Variants in DDX55 observed in about 807,000 individuals in gnomAD.
The protein encoded by DDX55 is ATP-dependent RNA helicase DDX55.
DDX55 carries 56 observed loss-of-function variants against 69.2 expected under a neutral mutation model. The ratio of observed to expected loss-of-function variants is 0.81; its 90% CI spans 0.65 to 1.01. The LOEUF is 1.01. Ranked by LOEUF, DDX55 falls within the 50% of genes least tolerant of loss-of-function variation. The pLI, the probability that DDX55 is intolerant of heterozygous loss-of-function variation, is 0.00. For missense variants in DDX55, 720 were observed against 745.1 expected (o/e 0.97, Z 0.39); for synonymous variants, 268 against 273.1 (o/e 0.98, Z 0.18).
intron 3 of DDX55, 102 bp downstream of exon 3, chr12:123,606,261 G>C: frequency 7.1e-7 from 1 of 1,410,762 alleles, no homozygotes; most frequent in African/African-American, 1.4e-5. Flanking sequence ...AGAAGCCGTG[G>C]CTCACGCCTG....
chr12:123,609,249 G>T (rs1954066966), intron 6 of DDX55, among the ~76,000 whole-genome samples: 1 of 152,074 alleles, frequency 6.6e-6, no homozygotes, highest in Admixed American at 6.5e-5. Flanking sequence ...ACCATGCCTG[G>T]CCTAAGTATT....
Position 123,617,865 on chromosome 12 carries a change from A to T in DDX55, c.1157A>T (p.Asn386Ile). The change falls in exon 11 of 14, where the codon AAC (asparagine) becomes ATC (isoleucine). Residue 386 changes from asparagine to isoleucine, a missense_variant. Physicochemically the swap from Asn to Ile is moderately radical, Grantham distance 149. Coordinates refer to ENST00000238146, the MANE Select transcript of DDX55 (RefSeq NM_020936.3). ...EESYINFLAI[N>I]QKCPLQEMKP... The stretch of plus-strand genomic sequence containing the variant: ...TCATACATCAATTTCCTTGCAATTA[A>T]CCAAAAAGTAAGCTGCCGTCCGTTT... 6.2e-7 allele frequency: 1 copy of T among 1,614,120 alleles called. No individual in the cohort carries two copies. The highest frequency in any genetic ancestry group is 2.2e-5 in the East Asian group (1 of 44,888).
intron 1 of DDX55, chr12:123,605,524 G>A: frequency 3.1e-6 from 1 of 326,168 alleles, no homozygotes; most frequent in South Asian, 2.6e-5. Context: ...ATCTAATTGA[G>A]GTTTTTTTTG....
intron 8 of DDX55, 76 bp from the exon 9 acceptor site, chr12:123,615,109 T>C: frequency 6.3e-7 from 1 of 1,591,752 alleles, no homozygotes; most frequent in Middle Eastern, 2.0e-4. Flanking sequence ...CTGCAGCTAT[T>C]GCTCACTGTT....
chr12:123,602,910 G>C (rs1007232454), intron 1 of DDX55, among the ~76,000 whole-genome samples: 3 of 152,228 alleles, frequency 2.0e-5, no homozygotes, highest in African/African-American at 7.2e-5. Flanking sequence ...CTCTGAGGAG[G>C]TGCATTGAGC....
At position 123,618,832 on chromosome 12, in the gene DDX55, TA is replaced by T; in HGVS notation, c.1331del (p.Lys444ArgfsTer15). On this transcript the variant is annotated frameshift_variant, in exon 12 of 14. Coordinates refer to ENST00000238146, the MANE Select transcript of DDX55 (RefSeq NM_020936.3). LOFTEE classifies it high-confidence loss of function. Reference sequence around the variant, plus strand: ...CATGAATGCAACCTGATTTTCAGATTAAAGGGTAAGTTGGACTTCTTCATGT... The same window carrying T: ...CATGAATGCAACCTGATTTTCAGATTAAGGGTAAGTTGGACTTCTTCATGT... ...AKHECNLIFR[L>X]KDLDFASLAR... 4 of 1,613,976 alleles carry T rather than the reference TA, an allele frequency of 2.5e-6. No individual in the cohort carries two copies. The highest frequency in any genetic ancestry group is 3.4e-6 in the Non-Finnish European group (4 of 1,179,874).
At chr12:123,608,886 G>A in intron 6 of DDX55, 57 bp downstream of exon 6, 2 of 1,442,580 alleles carry the variant, frequency 1.4e-6, no homozygotes, top group Non-Finnish European at 1.9e-6. Context: ...ATACAAAAGG[G>A]GAGCAAAATG....
Position 123,620,610 on chromosome 12 carries a change from ATATAT to A in DDX55, c.*471_*475del, listed in dbSNP as rs1955066318. On this transcript the variant is annotated 3_prime_UTR_variant, in exon 14 of 14. Transcript: ENST00000238146. ...TATATATATATATATATATATATAT[ATATAT>A]ATATATATATATAAGCTCTTTTTTC... The A allele has an allele frequency of 1.3e-5, 1 of 76,978 alleles. No individual in the cohort carries two copies. Among genetic ancestry groups the A allele is most frequent in the African/African-American group, 4.1e-5 (1 of 24,178 alleles). 4.8% of individuals were successfully genotyped at this position (76,978 alleles called of 1,614,324 possible).
rs1344198275 is a variant in DDX55 at position 123,605,806 on chromosome 12, C to G, written c.109-125C>G. 3 of 1,287,906 alleles carry G rather than the reference C, an allele frequency of 2.3e-6. No homozygotes were observed. In the Admixed American group the frequency reaches 5.1e-5, roughly 22 times the overall value. 79.8% of individuals were successfully genotyped at this position (1,287,906 alleles called of 1,614,324 possible). A position where few individuals can be genotyped will look rare whatever the true frequency, so the allele number is the denominator to read the frequency against. ...CAACTTCTCTATGGTGACTTGGTTA[C>G]TCAGAGCCCCTTTTGTGGTGGGACC... On this transcript the variant is annotated intron_variant, in intron 1 of 13. Transcript: ENST00000238146.
intron 1 of DDX55, among the ~76,000 whole-genome samples, chr12:123,603,723 A>G (rs910360669): frequency 6.6e-6 from 1 of 151,896 alleles, no homozygotes; most frequent in Non-Finnish European, 1.5e-5. Context: ...TGGTGTTACC[A>G]TTTCCCAAGA....
chr12:123,614,549 G>C (rs1184132748), intron 8 of DDX55, among the ~76,000 whole-genome samples: 1 of 152,206 alleles, frequency 6.6e-6, no homozygotes, highest in Non-Finnish European at 1.5e-5. Context: ...AGGGTGCCGG[G>C]TAAGGAGCTC....
At chr12:123,603,991 C>T (rs767364675) in intron 1 of DDX55, among the ~76,000 whole-genome samples, 7 of 151,766 alleles carry the variant, frequency 4.6e-5, no homozygotes, top group East Asian at 2.0e-4. Context: ...TTAGTAGAGA[C>T]GGGATTTCGC....
At position 123,602,217 on chromosome 12, in the gene DDX55, G is replaced by T; in HGVS notation, c.69G>T (p.Ala23=). The T allele has an allele frequency of 6.4e-7, 1 of 1,571,050 alleles. No individual in the cohort carries two copies. The highest frequency in any genetic ancestry group is 1.2e-5 in the South Asian group (1 of 86,086). The part of the protein sequence containing the change: ...PVPLHPQVLG[A]LRELGFPYMT... ...CGCTGCACCCGCAGGTGCTGGGCGC[G>T]CTGCGGGAGCTGGGCTTCCCGTACA... The change falls in exon 1 of 14, where the codon GCG becomes GCT. Residue 23 remains alanine, a synonymous_variant. Transcript: ENST00000238146.
chr12:123,603,541 C>T (rs547463096), intron 1 of DDX55, among the ~76,000 whole-genome samples: 53 of 151,932 alleles, frequency 3.5e-4, no homozygotes, highest in African/African-American at 1.2e-3. Context: ...CAGGTGCCTG[C>T]CACCATGCCC....
At position 123,620,101 on chromosome 12, in the gene DDX55, A is replaced by G. The variant is rs1221103108; in HGVS notation, c.1764A>G (p.Thr588=). Residue 588 remains threonine (T), a synonymous_variant, in exon 14 of 14, where the codon ACA becomes ACG. Transcript: ENST00000238146. ...CAACTGGCAAAAGAACAATCAAGAC[A>G]GTGGATTTAGGGATCTCAGATTTGG... The part of the protein sequence containing the change: ...LLTTGKRTIK[T]VDLGISDLED... 2 of 1,613,822 alleles carry G rather than the reference A, an allele frequency of 1.2e-6. No homozygotes were observed. Among genetic ancestry groups the G allele is most frequent in the Non-Finnish European group, 1.7e-6 (2 of 1,180,006 alleles).
At position 123,613,075 on chromosome 12, in the gene DDX55, G is replaced by T. The variant is rs1954386170; in HGVS notation, c.742-95G>T. On this transcript the variant is annotated intron_variant, in intron 7 of 13. Coordinates refer to ENST00000238146, the MANE Select transcript of DDX55 (RefSeq NM_020936.3). ...AGTCTGTCCTACCCATGGGGGAAAT[G>T]ACATTCCTTAAAATTTAATGCTGAA... 10 of 1,314,358 alleles carry T rather than the reference G, an allele frequency of 7.6e-6. No homozygotes were observed. In the South Asian group the frequency reaches 1.2e-4, roughly 16 times the overall value. The allele number at this position is 1,314,358 out of a possible 1,614,324, so 81.4% of individuals were successfully genotyped here.
At position 123,602,269 on chromosome 12, in the gene DDX55, TGGC is replaced by T. The variant is rs767301508; in HGVS notation, c.108+15_108+17del. On this transcript the variant is annotated intron_variant, in intron 1 of 13. Transcript: ENST00000238146. ...GACGCCGGTGCAGGTATCGGTTCCC[TGGC>T]GTGGGGGAGTGAGGCTGGGAGAGGG... 4.5e-6 allele frequency: 7 copies of T among 1,544,254 alleles called. No individual in the cohort carries two copies. The East Asian group carries it at 1.7e-4, about 37-fold the overall frequency.
At chr12:123,612,839 G>GA (rs5801519) in intron 7 of DDX55, among the ~76,000 whole-genome samples, 33,738 of 148,962 alleles carry the variant, frequency 0.23, 4,756 homozygotes, top group African/African-American at 0.4. Context: ...AAAAAAAGAA[G>GA]AAAAAAAAAG....
intron 1 of DDX55, among the ~76,000 whole-genome samples, chr12:123,604,375 A>G (rs1411206287): frequency 6.6e-6 from 1 of 152,174 alleles, no homozygotes; most frequent in Non-Finnish European, 1.5e-5. Context: ...AGGCCCTGTC[A>G]TCACAAAAAT....
Sources: gnomAD v4.1 joint callset for allele counts (sites outside exome capture counted in the v4.1 genomes callset) on GRCh38, gnomAD v4.1.1 for gene constraint, MANE v1.5 for transcripts, NCBI Gene and HGNC (gene_info 2026-07-23, HGNC 2026-07-21) for gene names.